Variants in SLC35F4 observed in about 807,000 individuals in gnomAD.
SLC35F4 encodes the protein solute carrier family 35 member F4.
SLC35F4 carries 24 observed loss-of-function variants against 44.2 expected under a neutral mutation model. The ratio of observed to expected loss-of-function variants is 0.54; its 90% CI spans 0.39 to 0.76. The LOEUF (loss-of-function observed/expected upper bound fraction) is 0.76, where lower values mean the gene tolerates loss of function less well. Ranked by LOEUF, SLC35F4 falls within the 30% of genes least tolerant of loss-of-function variation. The probability of loss-of-function intolerance (pLI) is 0.00; values close to 1 mark genes in which losing one functional copy is unlikely to be tolerated. For missense variants in SLC35F4, 562 were observed against 586.1 expected (o/e 0.96, Z 0.42); for synonymous variants, 238 against 223.6 (o/e 1.06, Z -0.57).
At chr14:57,618,025 A>G (rs1035514212) in intron 1 of SLC35F4, among the ~76,000 whole-genome samples, 2 of 152,236 alleles carry the variant, frequency 1.3e-5, no homozygotes, top group African/African-American at 2.4e-5. Flanking sequence ...TTATGATGAG[A>G]GTTGTTTTCT....
intron 1 of SLC35F4, among the ~76,000 whole-genome samples, chr14:57,757,127 C>T (rs1010573600): frequency 6.6e-6 from 1 of 152,130 alleles, no homozygotes; most frequent in African/African-American, 2.4e-5. Context: ...TGAAATTGAT[C>T]CCATTATCAT....
At chr14:57,609,029 T>C (rs1004084793) in intron 1 of SLC35F4, among the ~76,000 whole-genome samples, 1 of 152,040 alleles carries the variant, frequency 6.6e-6, no homozygotes, top group African/African-American at 2.4e-5. Flanking sequence ...AATGCAAAGA[T>C]CAGGGAAACA....
At chr14:57,957,685 G>T (rs2141085509) in intron 1 of SLC35F4, among the ~76,000 whole-genome samples, 1 of 152,268 alleles carries the variant, frequency 6.6e-6, no homozygotes, top group Non-Finnish European at 1.5e-5. Flanking sequence ...AGGCAGAGAA[G>T]GAGGCAGCAA....
intron 1 of SLC35F4, among the ~76,000 whole-genome samples, chr14:57,709,780 T>C (rs2075772314): frequency 6.6e-6 from 1 of 152,144 alleles, no homozygotes; most frequent in Non-Finnish European, 1.5e-5. Context: ...AGAAGAAATT[T>C]CTAAGCAGTA....
intron 1 of SLC35F4, among the ~76,000 whole-genome samples, chr14:57,633,857 G>A (rs8016827): frequency 0.45 from 67,787 of 151,952 alleles, 15,883 homozygotes; most frequent in Non-Finnish European, 0.52. Context: ...ATCAATTGTT[G>A]TTTCTTTTTA....
At chr14:57,900,200 C>G (rs1888970234) in intron 1 of SLC35F4, among the ~76,000 whole-genome samples, 1 of 152,178 alleles carries the variant, frequency 6.6e-6, no homozygotes, top group Non-Finnish European at 1.5e-5. Flanking sequence ...CTCCAAGGCC[C>G]CACTGGGGAC....
chr14:57,614,510 G>A (rs1174031082), intron 1 of SLC35F4, among the ~76,000 whole-genome samples: 1 of 149,566 alleles, frequency 6.7e-6, no homozygotes. Flanking sequence ...CATGAGTAAA[G>A]TTGTTATTTC....
chr14:57,584,242 A>T (rs147777083), intron 3 of SLC35F4, among the ~76,000 whole-genome samples: 1 of 152,220 alleles, frequency 6.6e-6, no homozygotes, highest in Non-Finnish European at 1.5e-5. Flanking sequence ...ATAAAAAACT[A>T]CTTCTAAATA....
At chr14:57,949,119 A>G (rs1890088052) in intron 1 of SLC35F4, among the ~76,000 whole-genome samples, 1 of 152,088 alleles carries the variant, frequency 6.6e-6, no homozygotes, top group Non-Finnish European at 1.5e-5. Flanking sequence ...AGTGCTGTCA[A>G]TGAGATATTG....
intron 1 of SLC35F4, among the ~76,000 whole-genome samples, chr14:57,793,162 G>C (rs907303279): frequency 1.3e-5 from 2 of 151,934 alleles, no homozygotes; most frequent in South Asian, 4.1e-4. Context: ...CTGAGTAACA[G>C]AATGCAAAAG....
chr14:57,643,700 C>T (rs12897701), intron 1 of SLC35F4, among the ~76,000 whole-genome samples: 87,279 of 151,908 alleles, frequency 0.57, 26,565 homozygotes, highest in Non-Finnish European at 0.68. Flanking sequence ...ATGTGCCATG[C>T]TGGTGTGCTG....
chr14:57,636,448 C>T (rs1451139734), intron 1 of SLC35F4, among the ~76,000 whole-genome samples: 1 of 152,034 alleles, frequency 6.6e-6, no homozygotes, highest in African/African-American at 2.4e-5. Flanking sequence ...CTCATATACC[C>T]CACTCCATGT....
intron 1 of SLC35F4, among the ~76,000 whole-genome samples, chr14:57,794,566 T>C (rs1373653109): frequency 6.6e-6 from 1 of 152,090 alleles, no homozygotes; most frequent in Non-Finnish European, 1.5e-5. Flanking sequence ...ACAGATGTGG[T>C]GAAAAGCAAA....
intron 1 of SLC35F4, among the ~76,000 whole-genome samples, chr14:57,659,999 C>G (rs1468131779): frequency 6.6e-6 from 1 of 152,142 alleles, no homozygotes; most frequent in Non-Finnish European, 1.5e-5. Context: ...CCCAAATCAA[C>G]AAGAGACAGG....
intron 1 of SLC35F4, among the ~76,000 whole-genome samples, chr14:57,888,892 C>T (rs577386049): frequency 1.4e-4 from 21 of 152,072 alleles, no homozygotes; most frequent in African/African-American, 4.8e-4. Context: ...GAAAATATAC[C>T]AAATATAAAT....
At chr14:57,862,759 C>T (rs949233642) in intron 1 of SLC35F4, among the ~76,000 whole-genome samples, 2 of 152,180 alleles carry the variant, frequency 1.3e-5, no homozygotes, top group Non-Finnish European at 2.9e-5. Flanking sequence ...AATTTCTACC[C>T]CCAGAATATT....
intron 1 of SLC35F4, among the ~76,000 whole-genome samples, chr14:57,660,793 C>T (rs1156764939): frequency 6.6e-6 from 1 of 152,074 alleles, no homozygotes; most frequent in African/African-American, 2.4e-5. Context: ...AAAGCAGATC[C>T]TCCAGTCTAG....
At chr14:57,750,133 T>G (rs57266864) in intron 1 of SLC35F4, among the ~76,000 whole-genome samples, 15,645 of 151,886 alleles carry the variant, frequency 0.1, 1,158 homozygotes, top group African/African-American at 0.2. Flanking sequence ...AGTGAAAACA[T>G]GCGGTATTTG....
downstream of SLC35F4, among the ~76,000 whole-genome samples, chr14:57,976,554 A>T (rs1881224524): frequency 6.6e-6 from 1 of 152,218 alleles, no homozygotes; most frequent in Non-Finnish European, 1.5e-5. Context: ...GACATCATTG[A>T]AGACTTACAG....
Sources: gnomAD v4.1 joint callset for allele counts (sites outside exome capture counted in the v4.1 genomes callset) on GRCh38, gnomAD v4.1.1 for gene constraint, MANE v1.5 for transcripts, NCBI Gene and HGNC (gene_info 2026-07-23, HGNC 2026-07-21) for gene names.